DTWD2: variants seen among roughly 807,000 people sequenced by gnomAD.
The protein encoded by DTWD2 is tRNA-uridine aminocarboxypropyltransferase 2.
Under a neutral mutation model 31.8 loss-of-function variants are expected in DTWD2, and 39 were observed. The ratio of observed to expected loss-of-function variants is 1.22; its 90% CI spans 0.95 to 1.60. DTWD2 has a LOEUF of 1.60. DTWD2 is among the 40% of genes most tolerant of loss of function. The pLI is 0.00. For synonymous variants in DTWD2, 180 were observed against 142.8 expected (o/e 1.26, Z -1.86); for missense variants, 515 against 381.5 (o/e 1.35, Z -2.92).
At chr5:118,946,697 C>T (rs1161362972) in intron 1 of DTWD2, among the ~76,000 whole-genome samples, 1 of 151,792 alleles carries the variant, frequency 6.6e-6, no homozygotes, top group Admixed American at 6.6e-5. Flanking sequence ...CAAATTTTGA[C>T]TGAAGAAAAG....
intron 1 of DTWD2, among the ~76,000 whole-genome samples, chr5:118,982,686 CTTT>C (rs56102830): frequency 2.5e-5 from 3 of 121,136 alleles, no homozygotes; most frequent in South Asian, 2.7e-4. Flanking sequence ...AGTTTGTTTT[CTTT>C]TTTTTTTTTT....
In DTWD2 at chr5:118,838,246, G is replaced by C. The variant is rs182862169; in HGVS notation, c.*2671C>G. ...TATAAAGGAGCTGATTAAAAGTGAG[G>C]TCACTTTATGTATGAGGAAATACTA... On this transcript the variant is annotated 3_prime_UTR_variant, in exon 6 of 6. Coordinates refer to ENST00000510708, the MANE Select transcript of DTWD2 (RefSeq NM_173666.4). 3.3e-4 allele frequency: 50 copies of C among 152,160 alleles called. No individual in the cohort carries two copies. The highest frequency in any genetic ancestry group is 1.1e-3 in the African/African-American group (47 of 41,532). The allele number at this position is 152,160 out of a possible 1,614,324, so 9.4% of individuals were successfully genotyped here. A position where few individuals can be genotyped will look rare whatever the true frequency, so the allele number is the denominator to read the frequency against.
chr5:118,884,925 G>C (rs1007637290), intron 4 of DTWD2, among the ~76,000 whole-genome samples: 1 of 150,490 alleles, frequency 6.6e-6, no homozygotes, highest in Non-Finnish European at 1.5e-5. Flanking sequence ...GAACCTAGGA[G>C]GCGGAGCTTG....
At chr5:118,841,221 C>T in intron 5 of DTWD2, 134 bp from the exon 6 acceptor site, 6 of 874,466 alleles carry the variant, frequency 6.9e-6, no homozygotes, top group East Asian at 5.6e-5. Flanking sequence ...AAACACTAGG[C>T]ACTCTGATAA....
intron 4 of DTWD2, among the ~76,000 whole-genome samples, chr5:118,859,578 G>T (rs1752214225): frequency 6.6e-6 from 1 of 151,918 alleles, no homozygotes; most frequent in East Asian, 1.9e-4. Flanking sequence ...TGTCTTCTTT[G>T]CCCCAGCACC....
At chr5:118,902,170 T>C (rs1753224624) in intron 4 of DTWD2, among the ~76,000 whole-genome samples, 1 of 152,122 alleles carries the variant, frequency 6.6e-6, no homozygotes, top group Non-Finnish European at 1.5e-5. Flanking sequence ...TTTAAACTGA[T>C]GAAGTACTGA....
chr5:118,946,414 T>G (rs1200854977), intron 1 of DTWD2, among the ~76,000 whole-genome samples: 1 of 152,166 alleles, frequency 6.6e-6, no homozygotes, highest in African/African-American at 2.4e-5. Flanking sequence ...AGGACTGCTA[T>G]AAGAAAGGAT....
At chr5:118,915,936 G>GTAAT (rs533480345) in intron 4 of DTWD2, among the ~76,000 whole-genome samples, 190 of 152,300 alleles carry the variant, frequency 1.2e-3, no homozygotes, top group African/African-American at 4.4e-3. Flanking sequence ...CTCCACAACA[G>GTAAT]TAATGCAATG....
At chr5:118,895,972 A>C (rs1753076645) in intron 4 of DTWD2, among the ~76,000 whole-genome samples, 1 of 152,220 alleles carries the variant, frequency 6.6e-6, no homozygotes, top group Non-Finnish European at 1.5e-5. Flanking sequence ...TTTCTTTTCT[A>C]ATATGCAGTA....
At chr5:118,898,372 T>A (rs1164355953) in intron 4 of DTWD2, among the ~76,000 whole-genome samples, 1 of 151,922 alleles carries the variant, frequency 6.6e-6, no homozygotes, top group East Asian at 1.9e-4. Context: ...AAGATAAATT[T>A]TATGGCCGAG....
intron 4 of DTWD2, among the ~76,000 whole-genome samples, chr5:118,891,029 C>T (rs1346547784): frequency 5.3e-5 from 8 of 152,060 alleles, no homozygotes; most frequent in South Asian, 2.1e-4. Flanking sequence ...GTGAAAAATA[C>T]GTACATATTT....
At chr5:118,886,001 T>C (rs1160910593) in intron 4 of DTWD2, among the ~76,000 whole-genome samples, 4 of 151,986 alleles carry the variant, frequency 2.6e-5, no homozygotes, top group Admixed American at 6.6e-5. Flanking sequence ...AAAAAAACTT[T>C]CCTAATCACC....
intron 4 of DTWD2, among the ~76,000 whole-genome samples, chr5:118,895,313 G>A (rs1045645571): frequency 2.0e-5 from 3 of 152,126 alleles, no homozygotes; most frequent in Non-Finnish European, 4.4e-5. Flanking sequence ...GGATGTTACA[G>A]ATCTATATAA....
intron 4 of DTWD2, among the ~76,000 whole-genome samples, chr5:118,897,476 G>A (rs1753109163): frequency 6.6e-6 from 1 of 152,208 alleles, no homozygotes. Flanking sequence ...TTTAGGCACA[G>A]TGAGCCACTC....
intron 4 of DTWD2, among the ~76,000 whole-genome samples, chr5:118,868,226 T>C (rs1335864384): frequency 1.3e-5 from 2 of 151,722 alleles, no homozygotes; most frequent in East Asian, 1.9e-4. Flanking sequence ...AAGAATGTTG[T>C]TGGGCCCTTA....
At position 118,839,806 on chromosome 5, in the gene DTWD2, T is replaced by C. The variant is rs1346290918; in HGVS notation, c.*1111A>G. ...TACCTTTTAATGAGTCTAATCCAAG[T>C]AAATAATAAACAAATGATCATGAAA... On this transcript the variant is annotated 3_prime_UTR_variant, in exon 6 of 6. Coordinates refer to ENST00000510708, the MANE Select transcript of DTWD2 (RefSeq NM_173666.4). 1 of 152,212 alleles carries C rather than the reference T, an allele frequency of 6.6e-6. No homozygotes were observed. The highest frequency in any genetic ancestry group is 1.5e-5 in the Non-Finnish European group (1 of 68,030). 9.4% of individuals were successfully genotyped at this position (152,212 alleles called of 1,614,324 possible). A position where few individuals can be genotyped will look rare whatever the true frequency, so the allele number is the denominator to read the frequency against.
Position 118,978,841 on chromosome 5 carries a change from A to C in DTWD2, c.218+9453T>G, listed in dbSNP as rs576072105. Among the ~76,000 whole-genome samples the C allele has an allele frequency of 4.0e-5, 6 of 151,342 alleles. No individual in the cohort carries two copies. The South Asian group carries it at 1.0e-3, about 26-fold the overall frequency. Reference sequence around the variant, plus strand: ...GGCAATATGGTGAAACCCCATCTCCAACAAAAATAAAAAAATTAGCTGGGC... The same window carrying C: ...GGCAATATGGTGAAACCCCATCTCCCACAAAAATAAAAAAATTAGCTGGGC... On this transcript the variant is annotated intron_variant, in intron 1 of 5. Coordinates refer to ENST00000510708, the MANE Select transcript of DTWD2 (RefSeq NM_173666.4).
intron 4 of DTWD2, among the ~76,000 whole-genome samples, chr5:118,896,933 G>A (rs1465369520): frequency 1.3e-5 from 2 of 152,150 alleles, no homozygotes; most frequent in African/African-American, 4.8e-5. Context: ...ACCATTAGAC[G>A]AAAACCACCA....
Position 118,859,243 on chromosome 5 carries a change from C to T in DTWD2, c.598-11025G>A, listed in dbSNP as rs114695302. On this transcript the variant is annotated intron_variant, in intron 4 of 5. Transcript: ENST00000510708. Reference sequence around the variant, plus strand: ...AAACCTCTTCAAGTACCTGGTAACACTGAAATACAGTTTCTGTAGAAAAGG... The same window carrying T: ...AAACCTCTTCAAGTACCTGGTAACATTGAAATACAGTTTCTGTAGAAAAGG... Among the ~76,000 whole-genome samples, 270 of 150,360 alleles carry T rather than the reference C, an allele frequency of 1.8e-3. No individual in the cohort carries two copies. In the Middle Eastern group the frequency reaches 0.021, roughly 12 times the overall value.
Sources: gnomAD v4.1 joint callset for allele counts (sites outside exome capture counted in the v4.1 genomes callset) on GRCh38, gnomAD v4.1.1 for gene constraint, MANE v1.5 for transcripts, NCBI Gene and HGNC (gene_info 2026-07-23, HGNC 2026-07-21) for gene names.